Variants in HTR4 observed in about 807,000 individuals in gnomAD.
HTR4 encodes 5-hydroxytryptamine (serotonin) receptor 4, G protein-coupled.
In HTR4, 16 loss-of-function variants were observed where a neutral mutation model predicts 36.8. The observed-to-expected ratio is 0.43, with a 90% CI of 0.29 to 0.66. The LOEUF (loss-of-function observed/expected upper bound fraction) is 0.66. Among genes scored for constraint, HTR4 ranks in the 30% least tolerant of loss-of-function variants. HTR4 has a pLI of 0.13. For missense variants in HTR4, 438 were observed against 490.9 expected (o/e 0.89, Z 1.02); for synonymous variants, 189 against 185.1 (o/e 1.02, Z -0.17).
intron 5 of HTR4, among the ~76,000 whole-genome samples, chr5:148,455,949 G>T (rs774933143): frequency 6.6e-6 from 1 of 152,048 alleles, no homozygotes; most frequent in Non-Finnish European, 1.5e-5. Flanking sequence ...GAGGGGGGTT[G>T]GTCTTCCTGT....
chr5:148,544,831 G>T (rs572945865), intron 4 of HTR4, among the ~76,000 whole-genome samples: 2 of 152,296 alleles, frequency 1.3e-5, no homozygotes, highest in East Asian at 3.9e-4. Flanking sequence ...CCAGGAGTCT[G>T]CCATCTGAGA....
downstream of HTR4, chr5:148,476,588 C>A: frequency 2.0e-6 from 3 of 1,481,062 alleles, no homozygotes; most frequent in South Asian, 4.3e-5. Flanking sequence ...TGGGCTGGTA[C>A]AGTGGAGATG....
chr5:148,565,799 C>T (rs995182455), intron 2 of HTR4, among the ~76,000 whole-genome samples: 2 of 152,130 alleles, frequency 1.3e-5, no homozygotes, highest in Non-Finnish European at 1.5e-5. Flanking sequence ...GGATTAGACC[C>T]TCTATCCACT....
intron 2 of HTR4, among the ~76,000 whole-genome samples, chr5:148,624,104 G>A (rs560586653): frequency 3.9e-5 from 6 of 152,270 alleles, no homozygotes; most frequent in Admixed American, 3.3e-4. Context: ...TATGGTTATC[G>A]TAGTAGAGAC....
intron 2 of HTR4, among the ~76,000 whole-genome samples, chr5:148,585,808 A>G (rs987932957): frequency 2.6e-5 from 4 of 152,218 alleles, no homozygotes; most frequent in Non-Finnish European, 4.4e-5. Flanking sequence ...TGACTGAGAT[A>G]GAAAATCTGA....
At chr5:148,590,070 C>T (rs1387311167) in intron 2 of HTR4, among the ~76,000 whole-genome samples, 1 of 152,118 alleles carries the variant, frequency 6.6e-6, no homozygotes, top group African/African-American at 2.4e-5. Flanking sequence ...CTTTCAGAAG[C>T]TTTAATTTTA....
chr5:148,478,072 G>C (rs150331924), downstream of HTR4, among the ~76,000 whole-genome samples: 702 of 152,302 alleles, frequency 4.6e-3, 1 homozygote, highest in African/African-American at 0.016. Context: ...TGACAAGAGA[G>C]AGTAGAGACC....
chr5:148,598,419 C>G (rs1395709316), intron 2 of HTR4, among the ~76,000 whole-genome samples: 1 of 151,978 alleles, frequency 6.6e-6, no homozygotes. Flanking sequence ...ATGGCACACG[C>G]CTGAGTCCCA....
chr5:148,629,869 A>G (rs983951466), intron 2 of HTR4: 4 of 152,216 alleles, frequency 2.6e-5, no homozygotes, highest in African/African-American at 9.6e-5. Context: ...AATGAGAGCC[A>G]GAAGCCTGAA....
At chr5:148,490,586 T>C in intron 6 of HTR4, 1 of 1,147,008 alleles carries the variant, frequency 8.7e-7, no homozygotes, top group South Asian at 1.9e-5. Flanking sequence ...GAACGTGTTA[T>C]TCAATCTACT....
chr5:148,606,215 G>A (rs1178413718), intron 2 of HTR4, among the ~76,000 whole-genome samples: 1 of 152,078 alleles, frequency 6.6e-6, no homozygotes, highest in African/African-American at 2.4e-5. Flanking sequence ...TAGGGAATGA[G>A]GACATTATTG....
At chr5:148,631,350 G>A (rs9686886) in intron 2 of HTR4, among the ~76,000 whole-genome samples, 33,040 of 151,958 alleles carry the variant, frequency 0.22, 4,324 homozygotes, top group East Asian at 0.39. Context: ...ATATGCTAAC[G>A]AATGTCACAA....
At chr5:148,507,779 A>G (rs560730611) in intron 6 of HTR4, among the ~76,000 whole-genome samples, 283 of 152,276 alleles carry the variant, frequency 1.9e-3, no homozygotes, top group Non-Finnish European at 3.6e-3. Context: ...ATCAACTGCT[A>G]AACAACTGAC....
At chr5:148,530,212 C>A (rs1191415515) in intron 4 of HTR4, among the ~76,000 whole-genome samples, 1 of 152,126 alleles carries the variant, frequency 6.6e-6, no homozygotes, top group African/African-American at 2.4e-5. Context: ...CCATAAGTAA[C>A]AAGAAGCTGA....
chr5:148,461,836 A>G (rs1470643439), intron 5 of HTR4: 1 of 152,072 alleles, frequency 6.6e-6, no homozygotes, highest in African/African-American at 2.4e-5. Context: ...CATATGGAAC[A>G]TTTACCAATA....
At chr5:148,644,021 A>G (rs1285014506) in intron 1 of HTR4, among the ~76,000 whole-genome samples, 1 of 152,180 alleles carries the variant, frequency 6.6e-6, no homozygotes, top group Non-Finnish European at 1.5e-5. Context: ...CATAAGAATC[A>G]CCCGGAGGCT....
chr5:148,463,401 C>G (rs1755337498), intron 5 of HTR4, among the ~76,000 whole-genome samples: 1 of 151,616 alleles, frequency 6.6e-6, no homozygotes. Context: ...AGGATGGTCT[C>G]CATCTCCTGA....
chr5:148,592,588 C>T (rs1288098381), intron 2 of HTR4, among the ~76,000 whole-genome samples: 2 of 151,952 alleles, frequency 1.3e-5, no homozygotes, highest in African/African-American at 4.8e-5. Context: ...TGCAGCTTCA[C>T]CAATATTTTT....
intron 2 of HTR4, among the ~76,000 whole-genome samples, chr5:148,576,121 A>AC (rs1760898494): frequency 7.8e-6 from 1 of 128,450 alleles, no homozygotes; most frequent in Non-Finnish European, 1.6e-5. Flanking sequence ...AAAAAAAAAA[A>AC]AAAAAAAAAA....
Sources: allele counts gnomAD v4.1 joint callset (sites outside exome capture counted in the v4.1 genomes callset), GRCh38; gene constraint gnomAD v4.1.1; transcripts MANE v1.5; gene names NCBI Gene and HGNC (gene_info 2026-07-23, HGNC 2026-07-21).